The following GTF2F2 variants were observed in gnomAD, a reference collection of about 807,000 sequenced individuals.
The protein encoded by GTF2F2 is ATP-dependent helicase GTF2F2.
Under a neutral mutation model 42.2 loss-of-function variants are expected in GTF2F2, and 23 were observed. The observed-to-expected ratio is 0.55, with a 90% CI of 0.39 to 0.77. The LOEUF is 0.77. Ranked by LOEUF, GTF2F2 falls within the 30% of genes least tolerant of loss-of-function variation. The probability of loss-of-function intolerance (pLI) is 0.00; values close to 1 mark genes in which losing one functional copy is unlikely to be tolerated. For missense variants in GTF2F2, 261 were observed against 287.2 expected (o/e 0.91, Z 0.66); for synonymous variants, 105 against 100.8 (o/e 1.04, Z -0.25).
At position 45,267,913 on chromosome 13, in the gene GTF2F2, C is replaced by T. The variant is rs1876635575; in HGVS notation, c.630+537C>T. Reference sequence around the variant, plus strand: ...CTTGCAGAGATTGTGATTAGGTTGGCCTGTTCCCCATTTTTAAGGACAAAT... The same window carrying T: ...CTTGCAGAGATTGTGATTAGGTTGGTCTGTTCCCCATTTTTAAGGACAAAT... On this transcript the variant is annotated intron_variant, in intron 7 of 7. Transcript: ENST00000340473. Among the ~76,000 whole-genome samples the T allele has an allele frequency of 2.0e-5, 3 of 151,238 alleles. No individual in the cohort carries two copies. In the South Asian group the frequency reaches 6.3e-4, roughly 32 times the overall value.
chr13:45,254,291 G>T (rs367685964), intron 6 of GTF2F2, among the ~76,000 whole-genome samples: 3 of 152,236 alleles, frequency 2.0e-5, no homozygotes, highest in African/African-American at 7.2e-5. Flanking sequence ...ATAATATATA[G>T]AGTTTGGTAC....
intron 5 of GTF2F2, among the ~76,000 whole-genome samples, chr13:45,211,963 A>G (rs1415567679): frequency 6.6e-6 from 1 of 151,856 alleles, no homozygotes; most frequent in Non-Finnish European, 1.5e-5. Flanking sequence ...AGAAACACAC[A>G]CACACACGCA....
Position 45,151,684 on chromosome 13 carries a change from TA to T in GTF2F2, c.160-2del, listed in dbSNP as rs1566115375. On this transcript the variant is annotated splice_acceptor_variant, in intron 3 of 7. Transcript: ENST00000340473. LOFTEE classifies it high-confidence loss of function. ...TATAATCTCTGGTTAATGTGTCTAT[TA>T]GGTGTCATTTACTTTGAATGAGGAT... 2 of 1,590,608 alleles carry T rather than the reference TA, an allele frequency of 1.3e-6. No homozygotes were observed. Among genetic ancestry groups the T allele is most frequent in the Non-Finnish European group, 1.7e-6 (2 of 1,159,552 alleles).
chr13:45,171,176 C>G (rs555598935), intron 4 of GTF2F2, among the ~76,000 whole-genome samples: 1 of 144,958 alleles, frequency 6.9e-6, no homozygotes, highest in Admixed American at 7.1e-5. Flanking sequence ...CTCCCAGGTT[C>G]AAGCGATTCT....
In GTF2F2 at chr13:45,283,675, T is replaced by G. The variant is rs931733068; in HGVS notation, c.*114T>G. 18 of 809,930 alleles carry G rather than the reference T, an allele frequency of 2.2e-5. No homozygotes were observed. The South Asian group carries it at 6.7e-4, about 30-fold the overall frequency. The allele number at this position is 809,930 out of a possible 1,614,324, so 50.2% of individuals were successfully genotyped here. A position where few individuals can be genotyped will look rare whatever the true frequency, so the allele number is the denominator to read the frequency against. On this transcript the variant is annotated 3_prime_UTR_variant, in exon 8 of 8. Transcript: ENST00000340473. ...TAATAGGGGTTAAGTGACAGTACTT[T>G]GATTTCTCTCGGTAAATTTTTTAAA...
chr13:45,156,385 T>A (rs1393047582), intron 4 of GTF2F2, among the ~76,000 whole-genome samples: 1 of 152,216 alleles, frequency 6.6e-6, no homozygotes, highest in Admixed American at 6.5e-5. Flanking sequence ...GATAAATTCA[T>A]TTTTCTAGCC....
At chr13:45,167,570 T>C (rs944160812) in intron 4 of GTF2F2, among the ~76,000 whole-genome samples, 3 of 152,074 alleles carry the variant, frequency 2.0e-5, no homozygotes, top group Non-Finnish European at 4.4e-5. Flanking sequence ...GCTAATTTTT[T>C]TGTATTTTTA....
At chr13:45,269,821 G>T (rs570044379) in intron 7 of GTF2F2, among the ~76,000 whole-genome samples, 6 of 152,080 alleles carry the variant, frequency 3.9e-5, no homozygotes, top group Admixed American at 3.9e-4. Flanking sequence ...TTTATTTTGG[G>T]GGTGGGGTGT....
At chr13:45,172,314 T>C (rs9534051) in intron 4 of GTF2F2, among the ~76,000 whole-genome samples, 24,458 of 152,240 alleles carry the variant, frequency 0.16, 2,406 homozygotes, top group Non-Finnish European at 0.22. Flanking sequence ...TATCTTTTCA[T>C]GTGCTTGTTA....
At chr13:45,123,815 G>C (rs117836416) in intron 1 of GTF2F2, among the ~76,000 whole-genome samples, 9,079 of 137,914 alleles carry the variant, frequency 0.066, 382 homozygotes, top group Middle Eastern at 0.15. Context: ...TTTTTTGGCT[G>C]AGCACAGGGG....
intron 5 of GTF2F2, among the ~76,000 whole-genome samples, chr13:45,209,948 C>A (rs1873565273): frequency 6.6e-6 from 1 of 152,142 alleles, no homozygotes; most frequent in African/African-American, 2.4e-5. Context: ...ACTGTTCCTT[C>A]AAAATGTTAC....
At chr13:45,153,318 G>T (rs559091035) in intron 4 of GTF2F2, among the ~76,000 whole-genome samples, 1 of 151,884 alleles carries the variant, frequency 6.6e-6, no homozygotes, top group African/African-American at 2.4e-5. Flanking sequence ...GGGCCCGGCC[G>T]AATTTTTTTT....
In GTF2F2 at chr13:45,260,733, G is replaced by GA. The variant is rs1272863671; in HGVS notation, c.487-6498dup. On this transcript the variant is annotated intron_variant, in intron 6 of 7. Coordinates refer to ENST00000340473, the MANE Select transcript of GTF2F2 (RefSeq NM_004128.3). ...CAACATTTGGTTGCATTTTAGTCAAGAATAGGCTGGGCGTGGTGGTTCACA... is the reference window on the plus strand; with the variant it reads ...CAACATTTGGTTGCATTTTAGTCAAGAAATAGGCTGGGCGTGGTGGTTCACA... Among the ~76,000 whole-genome samples, 10 of 152,300 alleles carry GA rather than the reference G, an allele frequency of 6.6e-5. 1 individual carries two copies. The highest frequency in any genetic ancestry group is 6.5e-4 in the Admixed American group (10 of 15,300).
chr13:45,144,395 C>G (rs1037305630), intron 2 of GTF2F2, among the ~76,000 whole-genome samples: 1 of 150,734 alleles, frequency 6.6e-6, no homozygotes, highest in Non-Finnish European at 1.5e-5. Flanking sequence ...ATCATGTAGC[C>G]TGTACTAATA....
intron 1 of GTF2F2, among the ~76,000 whole-genome samples, chr13:45,129,446 A>G (rs1009860945): frequency 1.3e-5 from 2 of 151,768 alleles, no homozygotes; most frequent in East Asian, 1.9e-4. Context: ...CTGTGCTCAA[A>G]TGATCCACCC....
At chr13:45,143,138 T>C (rs1181784235) in intron 2 of GTF2F2, among the ~76,000 whole-genome samples, 1 of 152,172 alleles carries the variant, frequency 6.6e-6, no homozygotes, top group East Asian at 1.9e-4. Context: ...TTTGAAAGTC[T>C]AGGGCTGTTA....
intron 5 of GTF2F2, among the ~76,000 whole-genome samples, chr13:45,224,798 A>C (rs903048719): frequency 6.6e-6 from 1 of 152,218 alleles, no homozygotes; most frequent in Non-Finnish European, 1.5e-5. Context: ...AATCTCTATC[A>C]TGGATGAAGC....
At chr13:45,283,120 T>A (rs1877329429) in intron 7 of GTF2F2, among the ~76,000 whole-genome samples, 1 of 152,202 alleles carries the variant, frequency 6.6e-6, no homozygotes. Flanking sequence ...CGTGTCACAC[T>A]GAGTGAGGAC....
intron 2 of GTF2F2, among the ~76,000 whole-genome samples, chr13:45,140,719 A>G (rs1056215742): frequency 3.3e-5 from 5 of 152,330 alleles, no homozygotes; most frequent in Middle Eastern, 3.4e-3. Flanking sequence ...TGTAATGTAC[A>G]TAATTAGCTA....
Sources: gnomAD v4.1 joint callset for allele counts (sites outside exome capture counted in the v4.1 genomes callset) on GRCh38, gnomAD v4.1.1 for gene constraint, MANE v1.5 for transcripts, NCBI Gene and HGNC (gene_info 2026-07-23, HGNC 2026-07-21) for gene names.